The following OPHN1 variants were observed in gnomAD, a reference collection of about 807,000 sequenced individuals.
OPHN1 encodes oligophrenin-1.
OPHN1 carries 11 observed loss-of-function variants against 60.7 expected under a neutral mutation model. The observed-to-expected ratio is 0.18, with a 90% CI of 0.11 to 0.30. OPHN1 has a LOEUF of 0.30. Among genes scored for constraint, OPHN1 ranks in the 10% least tolerant of loss-of-function variants. OPHN1 has a pLI of 1.00. For missense variants in OPHN1, 449 were observed against 611.0 expected (o/e 0.73, Z 2.80); for synonymous variants, 226 against 222.6 (o/e 1.02, Z -0.14).
intron 5 of OPHN1, among the ~76,000 whole-genome samples, chrX:68,244,979 T>C (rs766442948): frequency 8.9e-6 from 1 of 111,838 alleles, no homozygotes; most frequent in Non-Finnish European, 1.9e-5. Context: ...GGTTATATAC[T>C]AGGAAAGGGC....
intron 11 of OPHN1, among the ~76,000 whole-genome samples, chrX:68,198,414 T>A (rs1446376262): frequency 9.0e-6 from 1 of 111,460 alleles, no homozygotes; most frequent in Non-Finnish European, 1.9e-5. Context: ...ATGTGACAAA[T>A]GAATTTCTGT....
intron 5 of OPHN1, among the ~76,000 whole-genome samples, chrX:68,238,656 T>C (rs1402788453): frequency 2.7e-5 from 3 of 111,897 alleles, no homozygotes; most frequent in Non-Finnish European, 3.8e-5. Flanking sequence ...TTAGTTGTTA[T>C]TGCTAATGTG....
chrX:68,266,519 CT>C (rs2077928402), intron 5 of OPHN1, among the ~76,000 whole-genome samples: 1 of 111,349 alleles, frequency 9.0e-6, no homozygotes, highest in Non-Finnish European at 1.9e-5. Context: ...ACAAGAGCTC[CT>C]GAAGGAAGCA....
At chrX:68,241,348 G>A (rs765707048) in intron 5 of OPHN1, among the ~76,000 whole-genome samples, 281 of 111,664 alleles carry the variant, frequency 2.5e-3, no homozygotes, top group Middle Eastern at 4.7e-3. Context: ...CATGTTTCAC[G>A]AAAATGTTTG....
chrX:68,300,682 A>G (rs2078115722), intron 2 of OPHN1, among the ~76,000 whole-genome samples: 1 of 112,678 alleles, frequency 8.9e-6, no homozygotes. Flanking sequence ...CTTGGCTAAC[A>G]GTAAAAAAGG....
chrX:68,228,559 C>G (rs1421905411), intron 6 of OPHN1, among the ~76,000 whole-genome samples: 1 of 111,677 alleles, frequency 9.0e-6, no homozygotes, highest in East Asian at 2.8e-4. Context: ...AAAGCTTATC[C>G]ACCACGATCA....
At chrX:68,382,940 T>C (rs2078604917) in intron 2 of OPHN1, among the ~76,000 whole-genome samples, 1 of 111,499 alleles carries the variant, frequency 9.0e-6, no homozygotes, top group Non-Finnish European at 1.9e-5. Flanking sequence ...TCCACTTTTG[T>C]TTTCGGTGAT....
chrX:68,097,039 G>A lies in OPHN1; in HGVS notation c.1527-10C>T. ...GCTGTGCTCACACACACTGCCAGAA[G>A]AAAAGGGGCAAGATTAACAAAATTT... On this transcript the variant is annotated splice_polypyrimidine_tract_variant and intron_variant, in intron 18 of 24. Coordinates refer to ENST00000355520, the MANE Select transcript of OPHN1 (RefSeq NM_002547.3). The A allele has an allele frequency of 3.3e-6, 4 of 1,202,315 alleles. No homozygotes were observed. The highest frequency in any genetic ancestry group is 4.5e-6 in the Non-Finnish European group (4 of 890,777).
intron 6 of OPHN1, among the ~76,000 whole-genome samples, chrX:68,227,928 G>A (rs753627023): frequency 2.7e-5 from 3 of 110,510 alleles, no homozygotes; most frequent in East Asian, 2.8e-4. Context: ...AAGGAGATAA[G>A]AGACACAAAA....
Position 68,388,988 on chromosome X carries a change from A to AAAAAC in OPHN1, c.154+43878_154+43879insGTTTT, listed in dbSNP as rs2078638745. Among the ~76,000 whole-genome samples the AAAAAC allele has an allele frequency of 5.6e-5, 6 of 107,818 alleles. No individual in the cohort carries two copies. The South Asian group carries it at 2.5e-3, about 45-fold the overall frequency. The allele number at this position is 107,818 out of a possible 115,157, so 93.6% of individuals were successfully genotyped here. ...TTTTTTTTTTTTGAGACAGGGTCTC[A>AAAAAC]TTGTTACCCAACTTGGAGTACAGTG... On this transcript the variant is annotated intron_variant, in intron 2 of 24. Coordinates refer to ENST00000355520, the MANE Select transcript of OPHN1 (RefSeq NM_002547.3).
At chrX:68,189,351 CT>C (rs754382967) in intron 15 of OPHN1, among the ~76,000 whole-genome samples, 4 of 111,522 alleles carry the variant, frequency 3.6e-5, no homozygotes, top group Non-Finnish European at 5.7e-5. Context: ...ATGATTTAAA[CT>C]TTTTTTTAAT....
intron 15 of OPHN1, 105 bp downstream of exon 15, chrX:68,192,814 C>T (rs924492019): frequency 1.6e-5 from 11 of 679,956 alleles, no homozygotes; most frequent in Non-Finnish European, 2.3e-5. Context: ...ATACTTTTTT[C>T]AACTATTCTA....
chrX:68,345,754 A>G (rs1470235372), intron 2 of OPHN1, among the ~76,000 whole-genome samples: 1 of 112,295 alleles, frequency 8.9e-6, no homozygotes, highest in Non-Finnish European at 1.9e-5. Context: ...TACAATTCAA[A>G]TATGTATACA....
chrX:68,314,063 T>C (rs1359730109), intron 2 of OPHN1, among the ~76,000 whole-genome samples: 3 of 111,501 alleles, frequency 2.7e-5, no homozygotes, highest in African/African-American at 9.8e-5. Flanking sequence ...CATGAATCAA[T>C]AGGATTATAA....
intron 15 of OPHN1, among the ~76,000 whole-genome samples, chrX:68,124,675 G>A (rs2077162875): frequency 1.0e-5 from 1 of 99,564 alleles, no homozygotes; most frequent in Admixed American, 1.1e-4. Context: ...TTTTTTTTTT[G>A]AGACAAGGTC....
At chrX:68,186,787 G>C (rs1004780621) in intron 15 of OPHN1, among the ~76,000 whole-genome samples, 11 of 111,439 alleles carry the variant, frequency 9.9e-5, no homozygotes, top group Non-Finnish European at 1.9e-4. Context: ...ATGGTGTAAA[G>C]AGAGTAAGCT....
intron 5 of OPHN1, among the ~76,000 whole-genome samples, chrX:68,271,737 T>G (rs780340061): frequency 1.5e-3 from 168 of 110,959 alleles, no homozygotes; most frequent in African/African-American, 5.0e-3. Context: ...GGGGCCAGCC[T>G]TGTTTGGTGA....
At chrX:68,422,175 C>T (rs2078829246) in intron 2 of OPHN1, among the ~76,000 whole-genome samples, 1 of 111,075 alleles carries the variant, frequency 9.0e-6, no homozygotes, top group Admixed American at 9.6e-5. Context: ...TTGCTGCCAT[C>T]TGGGTCATTT....
At chrX:68,104,062 C>T (rs549998675) in intron 18 of OPHN1, among the ~76,000 whole-genome samples, 5 of 111,579 alleles carry the variant, frequency 4.5e-5, no homozygotes, top group South Asian at 3.8e-4. Context: ...CTCTCATTCA[C>T]GACTGCTACA....
Sources: allele counts gnomAD v4.1 joint callset (sites outside exome capture counted in the v4.1 genomes callset), GRCh38; gene constraint gnomAD v4.1.1; transcripts MANE v1.5; gene names NCBI Gene and HGNC (gene_info 2026-07-23, HGNC 2026-07-21).